The following SLC7A11 variants were observed in gnomAD, a reference collection of about 807,000 sequenced individuals.
SLC7A11 encodes the protein solute carrier family 7 member 11, also known as cystine/glutamate transporter.
Under a neutral mutation model 54.5 loss-of-function variants are expected in SLC7A11, and 35 were observed. The ratio of observed to expected loss-of-function variants is 0.64; its 90% CI spans 0.49 to 0.85. The LOEUF is 0.85. SLC7A11 is among the 40% of genes least tolerant of loss of function. The pLI is 0.00. For missense variants in SLC7A11, 583 were observed against 618.1 expected, an observed-to-expected ratio of 0.94 and a Z score of 0.60; for synonymous variants, 230 against 225.2, an observed-to-expected ratio of 1.02 and a Z score of -0.19.
In SLC7A11 at chr4:138,204,016, G is replaced by A. The variant is rs145516534; in HGVS notation, c.791+10569C>T. ...TAAAACCAAGAATTCTTCTATGGCT[G>A]TATGTATGCTCACCCGCTGCCCGAG... On this transcript the variant is annotated intron_variant, in intron 6 of 11. Transcript: ENST00000280612. Among the ~76,000 whole-genome samples the A allele has an allele frequency of 1.7e-3, 259 of 152,150 alleles. 3 individuals carry two copies. The highest frequency in any genetic ancestry group is 5.8e-3 in the African/African-American group (241 of 41,550).
intron 6 of SLC7A11, among the ~76,000 whole-genome samples, chr4:138,185,743 CT>C (rs1435119883): frequency 6.6e-6 from 1 of 152,164 alleles, no homozygotes; most frequent in Non-Finnish European, 1.5e-5. Context: ...AACACTAGTC[CT>C]TTAAAACACT....
intron 11 of SLC7A11, among the ~76,000 whole-genome samples, chr4:138,178,558 A>G (rs944966895): frequency 2.0e-5 from 3 of 152,102 alleles, no homozygotes; most frequent in Admixed American, 2.0e-4. Flanking sequence ...GAATTGCCAC[A>G]CTGTTTTTCC....
Position 138,183,317 on chromosome 4 carries a change from AAGAACGAAGCAAAT to A in SLC7A11, c.916-26_916-13del. 1 of 1,580,482 alleles carries A rather than the reference AAGAACGAAGCAAAT, an allele frequency of 6.3e-7. No homozygotes were observed. Among genetic ancestry groups the A allele is most frequent in the Non-Finnish European group, 8.7e-7 (1 of 1,152,804 alleles). On this transcript the variant is annotated splice_polypyrimidine_tract_variant and intron_variant, in intron 7 of 11. Coordinates refer to ENST00000280612, the MANE Select transcript of SLC7A11 (RefSeq NM_014331.4). ...CGCTCAGAAAAGGTCTAGTGAAAGA[AAGAACGAAGCAAAT>A]TAATGCCTTGCCAGAAAGTGGAATA...
intron 3 of SLC7A11, among the ~76,000 whole-genome samples, chr4:138,228,865 G>T (rs774473578): frequency 1.4e-4 from 21 of 150,790 alleles, no homozygotes; most frequent in African/African-American, 4.9e-4. Flanking sequence ...TAACTTCCAC[G>T]CACCTGACAT....
chr4:138,181,663 A>G (rs1226432470), intron 9 of SLC7A11, among the ~76,000 whole-genome samples: 1 of 152,166 alleles, frequency 6.6e-6, no homozygotes, highest in African/African-American at 2.4e-5. Context: ...AATCATCAGT[A>G]AAAATGAATA....
intron 6 of SLC7A11, among the ~76,000 whole-genome samples, chr4:138,207,543 A>C (rs1203884924): frequency 6.6e-6 from 1 of 151,924 alleles, no homozygotes; most frequent in African/African-American, 2.4e-5. Context: ...CATTTCTACT[A>C]AAAATACAAA....
At chr4:138,208,968 C>T (rs528033055) in intron 6 of SLC7A11, among the ~76,000 whole-genome samples, 2 of 151,936 alleles carry the variant, frequency 1.3e-5, no homozygotes, top group Admixed American at 6.6e-5. Context: ...GTCTCTCATT[C>T]GATACAACAC....
intron 6 of SLC7A11, among the ~76,000 whole-genome samples, chr4:138,209,551 A>G (rs1329297277): frequency 6.6e-6 from 1 of 152,044 alleles, no homozygotes; most frequent in African/African-American, 2.4e-5. Flanking sequence ...TCAAGATACA[A>G]AAACCAATGT....
chr4:138,234,198 T>C (rs1010340440), intron 2 of SLC7A11, among the ~76,000 whole-genome samples: 4 of 152,204 alleles, frequency 2.6e-5, no homozygotes, highest in Non-Finnish European at 5.9e-5. Context: ...GGAAACCCAA[T>C]ATATATTGAA....
chr4:138,226,641 T>C (rs565211149), intron 3 of SLC7A11, among the ~76,000 whole-genome samples: 3 of 152,170 alleles, frequency 2.0e-5, no homozygotes, highest in Admixed American at 6.5e-5. Context: ...GTGAAATTTA[T>C]GTCTATGTAT....
intron 6 of SLC7A11, among the ~76,000 whole-genome samples, chr4:138,206,381 T>TTTTATA (rs1553943786): frequency 2.1e-5 from 3 of 145,212 alleles, no homozygotes; most frequent in African/African-American, 7.5e-5. Context: ...TCAATGAGAT[T>TTTTATA]TATATATATA....
intron 3 of SLC7A11, among the ~76,000 whole-genome samples, chr4:138,226,190 A>C (rs1737944086): frequency 6.6e-6 from 1 of 152,132 alleles, no homozygotes; most frequent in African/African-American, 2.4e-5. Flanking sequence ...ATGCTAGTAC[A>C]CTGCTGGTGG....
chr4:138,242,001 C>G lies in SLC7A11; in HGVS notation c.69G>C (p.Arg23Ser), dbSNP rs1738393877. ...GGYLQGNVNGRLPSLGNKEPP... is the reference protein window; with the variant it reads ...GGYLQGNVNGSLPSLGNKEPP... ...GCTCCTTGTTGCCCAGGGAAGGCAG[C>G]CTCCCGTTAACATTTCCCTGCAGGT... is the stretch of plus-strand genomic sequence containing the variant. The change falls in exon 1 of 12, where the codon AGG becomes AGC. Residue 23 changes from arginine to serine, a missense_variant. Physicochemically the swap from Arg to Ser is moderately radical, Grantham distance 110. Transcript: ENST00000280612. The G allele has an allele frequency of 2.0e-5, 32 of 1,614,082 alleles. No homozygotes were observed. Among genetic ancestry groups the G allele is most frequent in the Non-Finnish European group, 2.6e-5 (31 of 1,180,042 alleles).
chr4:138,180,690 C>T lies in SLC7A11; in HGVS notation c.1217G>A (p.Gly406Glu). The change falls in exon 10 of 12, where the codon GGG (glycine) becomes GAG (glutamate). Residue 406 changes from glycine (G) to glutamate (E), a missense_variant. Physicochemically the swap from Gly to Glu is moderately conservative, Grantham distance 98. Coordinates refer to ENST00000280612, the MANE Select transcript of SLC7A11 (RefSeq NM_014331.4). ...RWLFIGLAVA[G>E]LIYLRYKCPD... ...GCATTTGTATCGAAGATAAATCAGC[C>T]CAGCAACTGCCAGCCCAATAAAAAG... The T allele has an allele frequency of 8.7e-6, 14 of 1,612,870 alleles. No homozygotes were observed. The highest frequency in any genetic ancestry group is 1.1e-5 in the Non-Finnish European group (13 of 1,179,408).
intron 11 of SLC7A11, among the ~76,000 whole-genome samples, chr4:138,173,633 T>C (rs916191938): frequency 3.4e-5 from 5 of 147,662 alleles, no homozygotes; most frequent in African/African-American, 5.0e-5. Flanking sequence ...AAACTCCATC[T>C]CAAAAAAAAA....
intron 2 of SLC7A11, 114 bp downstream of exon 2, chr4:138,236,211 T>C (rs1738201994): frequency 1.2e-6 from 1 of 805,142 alleles, no homozygotes; most frequent in African/African-American, 1.8e-5. Flanking sequence ...GAGGTAGACA[T>C]GTTTATCATG....
At chr4:138,221,133 C>T (rs28524564) in intron 4 of SLC7A11, among the ~76,000 whole-genome samples, 3,492 of 152,124 alleles carry the variant, frequency 0.023, 130 homozygotes, top group African/African-American at 0.078. Context: ...AGTGCAGCAC[C>T]AAATAATCCA....
intron 6 of SLC7A11, among the ~76,000 whole-genome samples, chr4:138,199,806 G>A (rs1279691612): frequency 2.6e-5 from 4 of 152,106 alleles, no homozygotes; most frequent in African/African-American, 7.2e-5. Context: ...CAGAGTCCAC[G>A]TTGTGACTTG....
intron 6 of SLC7A11, among the ~76,000 whole-genome samples, chr4:138,204,517 A>C (rs1213070175): frequency 6.6e-6 from 1 of 152,050 alleles, no homozygotes; most frequent in Admixed American, 6.6e-5. Context: ...TTTTCTAGAA[A>C]AAGTAAAAAT....
Sources: gnomAD v4.1 joint callset for allele counts (sites outside exome capture counted in the v4.1 genomes callset) on GRCh38, gnomAD v4.1.1 for gene constraint, MANE v1.5 for transcripts, NCBI Gene and HGNC (gene_info 2026-07-23, HGNC 2026-07-21) for gene names.